Variants in SNTG1 observed in about 807,000 individuals in gnomAD.
SNTG1 encodes the protein gamma-1-syntrophin.
A neutral mutation model predicts 74.7 loss-of-function variants in SNTG1; 39 were observed. That is an observed-to-expected ratio of 0.52 (90% confidence interval 0.40 to 0.68). SNTG1 has a LOEUF of 0.68. Among genes scored for constraint, SNTG1 ranks in the 30% least tolerant of loss-of-function variants. The pLI, the probability that SNTG1 is intolerant of heterozygous loss-of-function variation, is 0.00. For synonymous variants in SNTG1, 254 were observed against 217.1 expected (o/e 1.17, Z -1.49); for missense variants, 685 against 609.5 (o/e 1.12, Z -1.30).
chr8:50,688,536 T>A (rs916222472), intron 15 of SNTG1, among the ~76,000 whole-genome samples: 4 of 152,218 alleles, frequency 2.6e-5, no homozygotes, highest in Admixed American at 2.6e-4. Context: ...TTGCTTGTTT[T>A]TGTCAGGTTT....
intron 13 of SNTG1, among the ~76,000 whole-genome samples, chr8:50,615,441 C>T (rs2094879458): frequency 1.3e-5 from 2 of 152,138 alleles, no homozygotes; most frequent in Non-Finnish European, 2.9e-5. Context: ...AACTATTCTG[C>T]TGTACTTTCT....
At chr8:50,519,190 C>T (rs1235102882) in intron 9 of SNTG1, among the ~76,000 whole-genome samples, 2 of 152,140 alleles carry the variant, frequency 1.3e-5, no homozygotes, top group Admixed American at 1.3e-4. Context: ...ATAAACAGAA[C>T]CAATGACAAA....
At chr8:50,467,768 C>G (rs1455711904) in intron 8 of SNTG1, among the ~76,000 whole-genome samples, 1 of 151,828 alleles carries the variant, frequency 6.6e-6, no homozygotes, top group Non-Finnish European at 1.5e-5. Context: ...TACATGCATT[C>G]AATGGTTTAA....
intron 1 of SNTG1, among the ~76,000 whole-genome samples, chr8:49,975,311 G>A (rs1812087484): frequency 6.6e-6 from 1 of 152,048 alleles, no homozygotes; most frequent in Non-Finnish European, 1.5e-5. Context: ...TGGATAAAAG[G>A]ATTTCTGGAA....
intron 2 of SNTG1, among the ~76,000 whole-genome samples, chr8:50,312,342 CACA>C (rs2090145531): frequency 6.6e-6 from 1 of 152,058 alleles, no homozygotes; most frequent in Non-Finnish European, 1.5e-5. Flanking sequence ...CTCAAAATAA[CACA>C]GATAGATGGC....
At position 50,394,237 on chromosome 8, in the gene SNTG1, A is replaced by C. The variant is rs756581391; in HGVS notation, c.-2A>C. On this transcript the variant is annotated 5_prime_UTR_variant, in exon 3 of 19. Transcript: ENST00000642720. ...ACGACATCCTTTGTGGTGCCACAGC[A>C]CATGGATTTCAGAACCGCCTGTGAG... 6.2e-7 allele frequency: 1 copy of C among 1,613,116 alleles called. No individual in the cohort carries two copies. Among genetic ancestry groups the C allele is most frequent in the East Asian group, 2.2e-5 (1 of 44,836 alleles).
chr8:50,164,819 T>C (rs557318282), intron 1 of SNTG1, among the ~76,000 whole-genome samples: 1 of 152,326 alleles, frequency 6.6e-6, no homozygotes, highest in Non-Finnish European at 1.5e-5. Flanking sequence ...TAAATACTTA[T>C]TATGCTCCTT....
At chr8:50,759,774 A>G (rs768766430) in intron 18 of SNTG1, among the ~76,000 whole-genome samples, 3 of 152,098 alleles carry the variant, frequency 2.0e-5, no homozygotes, top group Non-Finnish European at 4.4e-5. Context: ...GAAGTAAGGT[A>G]GCATGATGCC....
intron 1 of SNTG1, among the ~76,000 whole-genome samples, chr8:49,933,254 C>T (rs1394366060): frequency 6.6e-6 from 1 of 152,158 alleles, no homozygotes; most frequent in African/African-American, 2.4e-5. Context: ...TTTCCTCATC[C>T]TCGCCAATGC....
At chr8:50,264,551 CAGAGCAAGCCTCCGTCTCAAAATAAAAA>C (rs1463671245) in intron 2 of SNTG1, among the ~76,000 whole-genome samples, 1 of 150,450 alleles carries the variant, frequency 6.6e-6, no homozygotes, top group Non-Finnish European at 1.5e-5. Context: ...GCCTGAGCAA[CAGAGCAAGCCTCCGTCTCAAAATAAAAA>C]AAAAAAGAAG....
At chr8:50,149,535 T>G (rs960401465) in intron 1 of SNTG1, among the ~76,000 whole-genome samples, 1 of 152,234 alleles carries the variant, frequency 6.6e-6, no homozygotes, top group African/African-American at 2.4e-5. Context: ...GTCTAACATT[T>G]AAGTCTTCAA....
At chr8:50,143,383 A>T (rs971631272) in intron 1 of SNTG1, among the ~76,000 whole-genome samples, 2 of 152,220 alleles carry the variant, frequency 1.3e-5, no homozygotes, top group Non-Finnish European at 2.9e-5. Context: ...GCATTAAAAT[A>T]CTGAATGGAA....
At chr8:50,127,540 C>G (rs989050065) in intron 1 of SNTG1, among the ~76,000 whole-genome samples, 1 of 152,086 alleles carries the variant, frequency 6.6e-6, no homozygotes, top group African/African-American at 2.4e-5. Flanking sequence ...GAGCTGGAAT[C>G]CTTTTAGAGC....
chr8:50,287,488 G>A (rs1483135618), intron 2 of SNTG1, among the ~76,000 whole-genome samples: 4 of 152,256 alleles, frequency 2.6e-5, no homozygotes, highest in East Asian at 1.9e-4. Context: ...TGAGGCTCAG[G>A]TTTCCCAACA....
intron 1 of SNTG1, among the ~76,000 whole-genome samples, chr8:49,954,656 CCT>C (rs1810002948): frequency 6.6e-6 from 1 of 152,110 alleles, no homozygotes; most frequent in South Asian, 2.1e-4. Flanking sequence ...TAAATCTTCC[CCT>C]CTCATAAAAT....
At chr8:50,565,683 T>C (rs2094512726) in intron 12 of SNTG1, among the ~76,000 whole-genome samples, 1 of 151,988 alleles carries the variant, frequency 6.6e-6, no homozygotes, top group Non-Finnish European at 1.5e-5. Flanking sequence ...GGTTAGTCTC[T>C]GCCTTCGTGG....
intron 1 of SNTG1, among the ~76,000 whole-genome samples, chr8:49,997,830 CT>C (rs1392249901): frequency 6.6e-6 from 1 of 152,018 alleles, no homozygotes; most frequent in African/African-American, 2.4e-5. Flanking sequence ...GGTTTCATGT[CT>C]TTAGAGATTA....
intron 1 of SNTG1, among the ~76,000 whole-genome samples, chr8:50,021,561 T>C (rs1816816468): frequency 6.6e-6 from 1 of 152,174 alleles, no homozygotes; most frequent in Non-Finnish European, 1.5e-5. Flanking sequence ...CTAGTGGGTC[T>C]GGAGGGTCAA....
At chr8:50,154,502 C>A (rs758312441) in intron 1 of SNTG1, among the ~76,000 whole-genome samples, 3 of 152,158 alleles carry the variant, frequency 2.0e-5, no homozygotes, top group Non-Finnish European at 4.4e-5. Context: ...GTGCAGAAAT[C>A]ACCTGTCTTA....
Sources: allele counts gnomAD v4.1 joint callset (sites outside exome capture counted in the v4.1 genomes callset), GRCh38; gene constraint gnomAD v4.1.1; transcripts MANE v1.5; gene names NCBI Gene and HGNC (gene_info 2026-07-23, HGNC 2026-07-21).